Variants in DNAJC27 observed in about 807,000 individuals in gnomAD.
DNAJC27 encodes the protein DnaJ heat shock protein family (Hsp40) member C27.
In DNAJC27, 25 loss-of-function variants were observed where a neutral mutation model predicts 31.4. The observed-to-expected ratio is 0.80, with a 90% CI of 0.58 to 1.11. The LOEUF is 1.11. DNAJC27 is among the 50% of genes most tolerant of loss of function. The probability of loss-of-function intolerance (pLI) is 0.00; values close to 1 mark genes in which losing one functional copy is unlikely to be tolerated. For synonymous variants in DNAJC27, 106 were observed against 112.7 expected, an observed-to-expected ratio of 0.94 and a Z score of 0.37; for missense variants, 356 against 347.3, an observed-to-expected ratio of 1.02 and a Z score of -0.20.
intron 1 of DNAJC27, among the ~76,000 whole-genome samples, chr2:24,969,745 C>T (rs530335714): frequency 6.6e-6 from 1 of 152,328 alleles, no homozygotes; most frequent in South Asian, 2.1e-4. Flanking sequence ...TCCCAAAGTG[C>T]TAGAATTACA....
intron 5 of DNAJC27, among the ~76,000 whole-genome samples, chr2:24,952,460 G>C (rs1665799430): frequency 1.3e-5 from 2 of 152,122 alleles, no homozygotes; most frequent in Admixed American, 1.3e-4. Flanking sequence ...GTATTGTATT[G>C]TGTAGCTGTC....
At chr2:24,962,647 C>T (rs928743944) in intron 3 of DNAJC27, among the ~76,000 whole-genome samples, 4 of 152,172 alleles carry the variant, frequency 2.6e-5, no homozygotes, top group Non-Finnish European at 4.4e-5. Flanking sequence ...AATGAAAATA[C>T]AACATCTCAG....
intron 1 of DNAJC27, 25 bp downstream of exon 1, chr2:24,971,793 G>C (rs747437213): frequency 3.2e-6 from 5 of 1,583,700 alleles, no homozygotes; most frequent in Non-Finnish European, 4.3e-6. Flanking sequence ...GCTGGGGCCC[G>C]CCCCTCCCGG....
At chr2:24,947,863 C>T (rs1665684022) in intron 6 of DNAJC27, 115 bp from the exon 7 acceptor site, 5 of 1,220,490 alleles carry the variant, frequency 4.1e-6, no homozygotes, top group South Asian at 2.2e-5. Context: ...AATTATTACC[C>T]TTTCTCAAAG....
At chr2:24,971,497 T>C in intron 1 of DNAJC27, 1 of 214,238 alleles carries the variant, frequency 4.7e-6, no homozygotes, top group East Asian at 1.0e-4. Context: ...GACGGCCCCC[T>C]AGAACGCGGG....
Position 24,951,434 on chromosome 2 carries a change from C to A in DNAJC27, c.649G>T (p.Asp217Tyr). 1.9e-6 allele frequency: 3 copies of A among 1,613,810 alleles called. No individual in the cohort carries two copies. The South Asian group carries it at 3.3e-5, about 18-fold the overall frequency. Residue 217 changes from aspartate (D) to tyrosine (Y), a missense_variant, in exon 6 of 7, where the codon GAC becomes TAC. Coordinates refer to ENST00000264711, the MANE Select transcript of DNAJC27 (RefSeq NM_016544.3). ...DAIRRIRNSK[D>Y]SWDMLGVKPG... The stretch of plus-strand genomic sequence containing the variant: ...TTGACTCCCAGCATGTCCCAACTGT[C>A]TTTACTATTTCGAATTCTGCGAATG...
At chr2:24,967,632 G>A (rs538046478) in intron 1 of DNAJC27, among the ~76,000 whole-genome samples, 109 of 152,046 alleles carry the variant, frequency 7.2e-4, no homozygotes, top group African/African-American at 2.5e-3. Context: ...CCCGGGAGGC[G>A]GAGGTTGCAG....
intron 6 of DNAJC27, among the ~76,000 whole-genome samples, chr2:24,949,110 G>A (rs1045426790): frequency 6.6e-6 from 1 of 152,124 alleles, no homozygotes; most frequent in African/African-American, 2.4e-5. Context: ...GAATTTTCTT[G>A]TTCTAGCAAG....
intron 3 of DNAJC27, among the ~76,000 whole-genome samples, chr2:24,960,514 C>T (rs1440086920): frequency 6.6e-6 from 1 of 152,164 alleles, no homozygotes. Flanking sequence ...GAAGGCATTT[C>T]AAAAACAGAT....
At chr2:24,970,881 A>T (rs1303089259) in intron 1 of DNAJC27, among the ~76,000 whole-genome samples, 1 of 152,206 alleles carries the variant, frequency 6.6e-6, no homozygotes, top group Non-Finnish European at 1.5e-5. Context: ...AATAAAAAAC[A>T]CTAAGTAAAC....
chr2:24,964,530 G>A (rs1182107000), intron 2 of DNAJC27, among the ~76,000 whole-genome samples: 1 of 152,096 alleles, frequency 6.6e-6, no homozygotes, highest in African/African-American at 2.4e-5. Flanking sequence ...GAGAGATGTA[G>A]TGAAATGACC....
chr2:24,961,501 A>G (rs1234388964), intron 3 of DNAJC27, among the ~76,000 whole-genome samples: 1 of 152,070 alleles, frequency 6.6e-6, no homozygotes, highest in Non-Finnish European at 1.5e-5. Context: ...CAGCTGCCAT[A>G]GTGATTACTC....
intron 1 of DNAJC27, chr2:24,971,498 A>C: frequency 4.8e-6 from 1 of 209,776 alleles, no homozygotes; most frequent in Non-Finnish European, 9.5e-6. Context: ...ACGGCCCCCT[A>C]GAACGCGGGC....
rs1024313421 is a variant in DNAJC27 at position 24,945,611 on chromosome 2, G to A, written c.*2005C>T. On this transcript the variant is annotated 3_prime_UTR_variant, in exon 7 of 7. Transcript: ENST00000264711. Reference sequence around the variant, plus strand: ...GTCTGAGTGCTTTCAGCATGATAAAGGCCTTCCTTAAGCAAAATTTAGGTC... The same window carrying A: ...GTCTGAGTGCTTTCAGCATGATAAAAGCCTTCCTTAAGCAAAATTTAGGTC... 2.0e-5 allele frequency: 3 copies of A among 152,330 alleles called. No individual in the cohort carries two copies. The highest frequency in any genetic ancestry group is 6.5e-5 in the Admixed American group (1 of 15,300). The allele number at this position is 152,330 out of a possible 1,614,324, so 9.4% of individuals were successfully genotyped here.
intron 3 of DNAJC27, among the ~76,000 whole-genome samples, chr2:24,959,313 T>C (rs74920895): frequency 6.6e-6 from 1 of 152,300 alleles, no homozygotes. Flanking sequence ...GTCCTATGCC[T>C]TCTTCCTTTC....
At position 24,951,407 on chromosome 2, in the gene DNAJC27, G is replaced by C; in HGVS notation, c.676C>G (p.Pro226Ala). Residue 226 changes from proline to alanine, a missense_variant, in exon 6 of 7, where the codon CCT (proline) becomes GCT (alanine). Coordinates refer to ENST00000264711, the MANE Select transcript of DNAJC27 (RefSeq NM_016544.3). Reference protein sequence around the residue: ...KDSWDMLGVKPGASRDEVNKA... With the variant: ...KDSWDMLGVKAGASRDEVNKA... ...CAGAGCGCTTACCTTGAGGCCCCAG[G>C]TTTGACTCCCAGCATGTCCCAACTG... The C allele has an allele frequency of 1.2e-6, 2 of 1,612,238 alleles. No individual in the cohort carries two copies. Among genetic ancestry groups the C allele is most frequent in the Non-Finnish European group, 1.7e-6 (2 of 1,179,098 alleles).
At chr2:24,956,925 A>C in intron 5 of DNAJC27, 118 bp downstream of exon 5, 1 of 1,245,860 alleles carries the variant, frequency 8.0e-7, no homozygotes, top group Non-Finnish European at 1.1e-6. Context: ...GATTCTTTGA[A>C]AAGAAAGAGC....
At chr2:24,961,090 T>C (rs1666028218) in intron 3 of DNAJC27, among the ~76,000 whole-genome samples, 1 of 152,218 alleles carries the variant, frequency 6.6e-6, no homozygotes, top group South Asian at 2.1e-4. Context: ...GCTGACTCTC[T>C]TGTTACGGGC....
chr2:24,949,730 C>T (rs1456203694), intron 6 of DNAJC27, among the ~76,000 whole-genome samples: 2 of 152,070 alleles, frequency 1.3e-5, no homozygotes, highest in Non-Finnish European at 2.9e-5. Context: ...AAAGTGAATA[C>T]ATAAGGAGCC....
Sources: allele counts gnomAD v4.1 joint callset (sites outside exome capture counted in the v4.1 genomes callset), GRCh38; gene constraint gnomAD v4.1.1; transcripts MANE v1.5; gene names NCBI Gene and HGNC (gene_info 2026-07-23, HGNC 2026-07-21).